The following TRPM3 variants were observed in gnomAD, a reference collection of about 807,000 sequenced individuals.
The protein encoded by TRPM3 is long transient receptor potential channel 3.
TRPM3 carries 77 observed loss-of-function variants against 181.2 expected under a neutral mutation model. The observed-to-expected ratio is 0.42, with a 90% CI of 0.35 to 0.51. The LOEUF (loss-of-function observed/expected upper bound fraction) is 0.51, where lower values mean the gene tolerates loss of function less well. TRPM3 is among the 20% of genes least tolerant of loss of function. TRPM3 has a pLI of 0.01. For synonymous variants in TRPM3, 745 were observed against 796.4 expected, an observed-to-expected ratio of 0.94 and a Z score of 1.09; for missense variants, 1,759 against 2,196.7, an observed-to-expected ratio of 0.80 and a Z score of 3.98.
chr9:70,924,514 A>G (rs985337476), intron 1 of TRPM3, among the ~76,000 whole-genome samples: 3 of 152,122 alleles, frequency 2.0e-5, no homozygotes, highest in Non-Finnish European at 2.9e-5. Flanking sequence ...TCTTGACCAT[A>G]AATCTATTTT....
Position 70,634,136 on chromosome 9 carries a change from A to T in TRPM3, c.1632+1075T>A, listed in dbSNP as rs558682477. Among the ~76,000 whole-genome samples the T allele has an allele frequency of 2.0e-5, 3 of 152,090 alleles. No individual in the cohort carries two copies. The East Asian group carries it at 5.8e-4, about 29-fold the overall frequency. On this transcript the variant is annotated intron_variant, in intron 12 of 25. Transcript: ENST00000677713. The stretch of plus-strand genomic sequence containing the variant: ...AATAAAATAATAATTTTTTGATGGA[A>T]TCTCACTCTGTTGTTCAGGCTGGAG...
intron 1 of TRPM3, among the ~76,000 whole-genome samples, chr9:71,172,531 C>A (rs116082641): frequency 1.8e-3 from 281 of 152,182 alleles, no homozygotes; most frequent in African/African-American, 6.6e-3. Context: ...TTTAGCCTCT[C>A]GAGTAACTGG....
Position 70,856,536 on chromosome 9 carries a change from G to A in TRPM3, c.462+6372C>T, listed in dbSNP as rs550406472. On this transcript the variant is annotated intron_variant, in intron 3 of 25. Coordinates refer to ENST00000677713, the MANE Select transcript of TRPM3 (RefSeq NM_001366145.2). ...TTTAAATCTCAAATTCAATCCTAAAGGATATTAAGAGCATAAGCTTGTAGA... is the reference window on the plus strand; with the variant it reads ...TTTAAATCTCAAATTCAATCCTAAAAGATATTAAGAGCATAAGCTTGTAGA... 7.2e-5 allele frequency among the ~76,000 whole-genome samples: 11 copies of A among 152,226 alleles called. No individual in the cohort carries two copies. In the South Asian group the frequency reaches 2.3e-3, roughly 32 times the overall value.
At chr9:71,272,579 C>T (rs1047909406) in intron 1 of TRPM3, among the ~76,000 whole-genome samples, 2 of 152,002 alleles carry the variant, frequency 1.3e-5, no homozygotes, top group South Asian at 2.1e-4. Context: ...TGTAATAAAA[C>T]GATTAAACTC....
intron 1 of TRPM3, among the ~76,000 whole-genome samples, chr9:71,298,702 C>T (rs971468872): frequency 2.6e-5 from 4 of 152,064 alleles, no homozygotes; most frequent in Non-Finnish European, 4.4e-5. Flanking sequence ...CAGGAGACAC[C>T]TTCTAATGTC....
intron 1 of TRPM3, among the ~76,000 whole-genome samples, chr9:71,256,697 G>A (rs181996181): frequency 3.4e-4 from 52 of 152,256 alleles, no homozygotes; most frequent in Non-Finnish European, 2.6e-4. Context: ...CCTAGATACA[G>A]TTTGATGGGA....
intron 1 of TRPM3, among the ~76,000 whole-genome samples, chr9:70,988,555 A>T (rs1027468100): frequency 6.6e-6 from 1 of 152,178 alleles, no homozygotes; most frequent in Non-Finnish European, 1.5e-5. Context: ...GAATTTTAAG[A>T]TGGGCCTCCA....
At chr9:70,863,152 C>T (rs1018971175) in intron 2 of TRPM3, 40 bp from the exon 3 acceptor site, 4 of 1,577,014 alleles carry the variant, frequency 2.5e-6, no homozygotes, top group East Asian at 2.2e-5. Flanking sequence ...TGGTATTAGT[C>T]ACTATTGGGA....
chr9:70,777,868 A>G (rs938300208), intron 7 of TRPM3, among the ~76,000 whole-genome samples: 3 of 152,124 alleles, frequency 2.0e-5, no homozygotes, highest in Non-Finnish European at 4.4e-5. Context: ...TCTTCACTTA[A>G]ATTTTAAGCA....
chr9:71,001,254 C>T (rs2097596791), intron 1 of TRPM3, among the ~76,000 whole-genome samples: 1 of 152,184 alleles, frequency 6.6e-6, no homozygotes, highest in South Asian at 2.1e-4. Flanking sequence ...AACCGTAAGC[C>T]CACATGGGGC....
intron 19 of TRPM3, among the ~76,000 whole-genome samples, chr9:70,608,593 T>C (rs2061554716): frequency 6.6e-6 from 1 of 152,186 alleles, no homozygotes; most frequent in Non-Finnish European, 1.5e-5. Flanking sequence ...CCCAGCACTT[T>C]GGTAGGCTGA....
chr9:71,442,038 T>C (rs1368854530), intron 1 of TRPM3, among the ~76,000 whole-genome samples: 1 of 152,124 alleles, frequency 6.6e-6, no homozygotes, highest in Non-Finnish European at 1.5e-5. Context: ...GAATGGTAGG[T>C]TTGTTTGTGG....
At chr9:71,033,196 G>GA (rs2057752762) in intron 1 of TRPM3, among the ~76,000 whole-genome samples, 1 of 152,220 alleles carries the variant, frequency 6.6e-6, no homozygotes, top group Non-Finnish European at 1.5e-5. Flanking sequence ...TACTTAGAGA[G>GA]AAGTGGTCCT....
chr9:70,885,022 CCT>C (rs1471267938), intron 1 of TRPM3, among the ~76,000 whole-genome samples: 4 of 152,112 alleles, frequency 2.6e-5, no homozygotes, highest in Non-Finnish European at 4.4e-5. Context: ...GAGTTGGCCT[CCT>C]GACGTCTACT....
At chr9:71,056,449 G>A (rs553414629) in intron 1 of TRPM3, among the ~76,000 whole-genome samples, 2 of 152,008 alleles carry the variant, frequency 1.3e-5, no homozygotes, top group African/African-American at 2.4e-5. Context: ...CTGTTAGAGT[G>A]TCACACTGTG....
intron 9 of TRPM3, among the ~76,000 whole-genome samples, chr9:70,673,246 T>TG (rs1311734540): frequency 6.6e-6 from 1 of 151,200 alleles, no homozygotes; most frequent in Non-Finnish European, 1.5e-5. Context: ...ACACTGGCTT[T>TG]GGGGGTTCCA....
At chr9:71,245,699 G>A (rs1013280986) in intron 1 of TRPM3, among the ~76,000 whole-genome samples, 1 of 152,148 alleles carries the variant, frequency 6.6e-6, no homozygotes, top group Non-Finnish European at 1.5e-5. Flanking sequence ...GAACAGGAAT[G>A]GCTTGATACA....
At chr9:71,015,510 G>C (rs1388191912) in intron 1 of TRPM3, among the ~76,000 whole-genome samples, 3 of 152,182 alleles carry the variant, frequency 2.0e-5, no homozygotes, top group African/African-American at 4.8e-5. Context: ...ATAAAAATCA[G>C]TCTACATTGA....
At chr9:71,153,438 C>T (rs62546788) in intron 1 of TRPM3, among the ~76,000 whole-genome samples, 2,473 of 151,864 alleles carry the variant, frequency 0.016, 36 homozygotes, top group Non-Finnish European at 0.026. Flanking sequence ...TTACAGGCAT[C>T]TACCACCACA....
Sources: gnomAD v4.1 joint callset for allele counts (sites outside exome capture counted in the v4.1 genomes callset) on GRCh38, gnomAD v4.1.1 for gene constraint, MANE v1.5 for transcripts, NCBI Gene and HGNC (gene_info 2026-07-23, HGNC 2026-07-21) for gene names.